Variants in BABAM2 observed in about 807,000 individuals in gnomAD.
BABAM2 encodes the protein BRISC and BRCA1 A complex member 2.
A neutral mutation model predicts 54.7 loss-of-function variants in BABAM2; 31 were observed. The ratio of observed to expected loss-of-function variants is 0.57; its 90% confidence interval spans 0.43 to 0.77. The LOEUF (loss-of-function observed/expected upper bound fraction) is 0.77. Ranked by LOEUF, BABAM2 falls within the 30% of genes least tolerant of loss-of-function variation. The pLI, the probability that BABAM2 is intolerant of heterozygous loss-of-function variation, is 0.00. For synonymous variants in BABAM2, 167 were observed against 162.9 expected, an observed-to-expected ratio of 1.03 and a Z score of -0.19; for missense variants, 364 against 455.8, an observed-to-expected ratio of 0.80 and a Z score of 1.83.
At chr2:28,326,614 G>A (rs1243362989) in intron 11 of BABAM2, among the ~76,000 whole-genome samples, 2 of 152,192 alleles carry the variant, frequency 1.3e-5, no homozygotes, top group Non-Finnish European at 2.9e-5. Flanking sequence ...CAGTCTGAGA[G>A]GGAGGGGGAT....
chr2:28,024,419 A>AT (rs1675503165), intron 4 of BABAM2, among the ~76,000 whole-genome samples: 1 of 152,022 alleles, frequency 6.6e-6, no homozygotes, highest in Non-Finnish European at 1.5e-5. Flanking sequence ...AAAAAAAAAA[A>AT]GTCTTTGATG....
chr2:27,973,394 C>T (rs1277542803), intron 3 of BABAM2, among the ~76,000 whole-genome samples: 1 of 151,686 alleles, frequency 6.6e-6, no homozygotes, highest in Non-Finnish European at 1.5e-5. Context: ...TCTCCCAGGT[C>T]AAAGACATAG....
At chr2:27,985,057 ATG>A (rs35552031) in intron 3 of BABAM2, among the ~76,000 whole-genome samples, 1,735 of 137,466 alleles carry the variant, frequency 0.013, 15 homozygotes, top group South Asian at 0.035. Flanking sequence ...GTATTCCATG[ATG>A]TGTGTGTGTG....
At position 27,929,853 on chromosome 2, in the gene BABAM2, G is replaced by A; in HGVS notation, c.150G>A (p.Gly50=). The part of the protein sequence containing the change: ...LKSGCTSLTP[G]PNCDRFKLHI... ...AAAGCTGCACATCATTGACTCCTGG[G>A]CCCAACTGTGACCGATTTAAACTGC... Residue 50 remains glycine, a synonymous_variant, in exon 3 of 12, where the codon GGG becomes GGA. Coordinates refer to ENST00000379624, the MANE Select transcript of BABAM2 (RefSeq NM_199191.3). 6.2e-7 allele frequency: 1 copy of A among 1,613,694 alleles called. No homozygotes were observed. The highest frequency in any genetic ancestry group is 8.5e-7 in the Non-Finnish European group (1 of 1,179,748).
intron 4 of BABAM2, among the ~76,000 whole-genome samples, chr2:28,012,731 A>G (rs187772700): frequency 3.9e-5 from 6 of 152,314 alleles, no homozygotes; most frequent in East Asian, 3.9e-4. Flanking sequence ...GCGTGGTTAC[A>G]GTTTTAAGAG....
intron 4 of BABAM2, among the ~76,000 whole-genome samples, chr2:28,011,395 A>C (rs1168112249): frequency 2.0e-5 from 3 of 152,118 alleles, no homozygotes; most frequent in Non-Finnish European, 4.4e-5. Context: ...TTATAACCCG[A>C]AGAGCCTGGG....
intron 3 of BABAM2, among the ~76,000 whole-genome samples, chr2:27,978,671 A>G (rs1671768826): frequency 6.6e-6 from 1 of 152,078 alleles, no homozygotes; most frequent in Non-Finnish European, 1.5e-5. Flanking sequence ...CTGGGGTTAC[A>G]TGTGCAGGTT....
intron 6 of BABAM2, among the ~76,000 whole-genome samples, chr2:28,077,953 A>G (rs1664831949): frequency 6.6e-6 from 1 of 152,148 alleles, no homozygotes; most frequent in South Asian, 2.1e-4. Flanking sequence ...CATTTACAGT[A>G]GTACCTCCAT....
At chr2:28,037,870 A>G (rs1306993690) in intron 5 of BABAM2, among the ~76,000 whole-genome samples, 3 of 152,220 alleles carry the variant, frequency 2.0e-5, no homozygotes, top group Non-Finnish European at 4.4e-5. Context: ...CAGATACTGG[A>G]TGGACATTGA....
intron 10 of BABAM2, among the ~76,000 whole-genome samples, chr2:28,271,078 T>C (rs1432288532): frequency 6.6e-6 from 1 of 152,200 alleles, no homozygotes; most frequent in Non-Finnish European, 1.5e-5. Flanking sequence ...TATTTGGTTC[T>C]TCCCAGTTTG....
At chr2:28,064,871 C>T (rs555900582) in intron 6 of BABAM2, among the ~76,000 whole-genome samples, 41 of 152,110 alleles carry the variant, frequency 2.7e-4, no homozygotes, top group African/African-American at 9.2e-4. Flanking sequence ...GATGTGGTGG[C>T]GGGTGCCTGT....
chr2:28,045,408 A>C (rs1217608258), intron 5 of BABAM2, among the ~76,000 whole-genome samples: 1 of 152,228 alleles, frequency 6.6e-6, no homozygotes, highest in Non-Finnish European at 1.5e-5. Flanking sequence ...TGGGATTAAA[A>C]AAATAATAAT....
intron 4 of BABAM2, chr2:28,016,358 T>G (rs1403144859): frequency 7.7e-7 from 1 of 1,300,700 alleles, no homozygotes; most frequent in African/African-American, 1.5e-5. Context: ...TTTTACTTCT[T>G]CCCAGGTAGG....
intron 10 of BABAM2, among the ~76,000 whole-genome samples, chr2:28,248,414 G>A (rs1683105939): frequency 6.6e-6 from 1 of 151,666 alleles, no homozygotes. Flanking sequence ...TCTCCGTGTT[G>A]GTCAGGCTGG....
chr2:28,168,565 A>G (rs1007047349), intron 7 of BABAM2, among the ~76,000 whole-genome samples: 3 of 152,198 alleles, frequency 2.0e-5, no homozygotes, highest in South Asian at 2.1e-4. Context: ...CGAGGGGCAT[A>G]TAAAAAGGAA....
chr2:28,005,041 G>A (rs1673860064), intron 4 of BABAM2, among the ~76,000 whole-genome samples: 1 of 151,952 alleles, frequency 6.6e-6, no homozygotes, highest in South Asian at 2.1e-4. Flanking sequence ...TACTATCTAG[G>A]TTCTACTCCA....
rs984018543 is a variant in BABAM2 at position 28,241,385 on chromosome 2, C to T, written c.843C>T (p.His281=). 7.4e-6 allele frequency: 12 copies of T among 1,613,830 alleles called. No individual in the cohort carries two copies. Among genetic ancestry groups the T allele is most frequent in the African/African-American group, 1.3e-5 (1 of 74,926 alleles). The change falls in exon 9 of 12, where the codon CAC becomes CAT. Residue 281 remains histidine, a synonymous_variant. Transcript: ENST00000379624. Reference sequence around the variant, plus strand: ...AGTATATTGCTGCTTTTCTCAGTCACTTTGGCACGTAAGTTCTGCCCTGTT... The same window carrying T: ...AGTATATTGCTGCTTTTCTCAGTCATTTTGGCACGTAAGTTCTGCCCTGTT... ...RREYIAAFLS[H]FGTGVVEYDA...
chr2:27,916,733 A>G (rs1666998768), intron 2 of BABAM2, among the ~76,000 whole-genome samples: 3 of 152,148 alleles, frequency 2.0e-5, no homozygotes, highest in African/African-American at 7.2e-5. Flanking sequence ...GCCAGATCCT[A>G]TGCATTCTTA....
chr2:27,986,034 G>A (rs1558637921), intron 3 of BABAM2, among the ~76,000 whole-genome samples: 1 of 152,130 alleles, frequency 6.6e-6, no homozygotes, highest in Non-Finnish European at 1.5e-5. Flanking sequence ...TAAGAACTGA[G>A]CAAGGAGAGA....
Sources: gnomAD v4.1 joint callset for allele counts (sites outside exome capture counted in the v4.1 genomes callset) on GRCh38, gnomAD v4.1.1 for gene constraint, MANE v1.5 for transcripts, NCBI Gene and HGNC (gene_info 2026-07-23, HGNC 2026-07-21) for gene names.